Variants in PMFBP1 observed in about 807,000 individuals in gnomAD.
The protein encoded by PMFBP1 is polyamine modulated factor 1 binding protein 1, also known as polyamine-modulated factor 1-binding protein 1.
PMFBP1 carries 131 observed loss-of-function variants against 137.8 expected under a neutral mutation model. That is an observed-to-expected ratio of 0.95 (90% CI 0.82 to 1.10). The LOEUF (loss-of-function observed/expected upper bound fraction) is 1.10. PMFBP1 is among the 50% of genes least tolerant of loss of function. The pLI, the probability that PMFBP1 is intolerant of heterozygous loss-of-function variation, is 0.00. For synonymous variants in PMFBP1, 490 were observed against 450.4 expected, an observed-to-expected ratio of 1.09 and a Z score of -1.11; for missense variants, 1,199 against 1,175.4, an observed-to-expected ratio of 1.02 and a Z score of -0.29.
chr16:72,215,115 T>C, the PMFBP1 span, among the ~76,000 whole-genome samples: 2 of 151,972 alleles, frequency 1.3e-5, no homozygotes, highest in African/African-American at 2.4e-5. Flanking sequence ...AGAGAAGTAA[T>C]GAGAAATCCC....
chr16:72,154,419 T>A lies in PMFBP1; in HGVS notation c.206A>T (p.Glu69Val), dbSNP rs556815891. 7 of 1,614,154 alleles carry A rather than the reference T, an allele frequency of 4.3e-6. No individual in the cohort carries two copies. In the South Asian group the frequency reaches 6.6e-5, roughly 15 times the overall value. The change falls in exon 4 of 21, where the codon GAG becomes GTG. Residue 69 changes from glutamate (E) to valine (V), a missense_variant. Coordinates refer to ENST00000237353, the MANE Select transcript of PMFBP1 (RefSeq NM_031293.3). The stretch of plus-strand genomic sequence containing the variant: ...CTGTTTACTGGACCCAAATTCCACC[T>A]CTGACTCCTCGAATGCTAATGCCTG... ...QAQALAFEES[E>V]VEFGSSKQCH...
At chr16:72,187,602 T>C in the PMFBP1 span, among the ~76,000 whole-genome samples, 8 of 152,200 alleles carry the variant, frequency 5.3e-5, no homozygotes, top group African/African-American at 1.4e-4. Context: ...TCTTCAGTGA[T>C]CAAGTCGTGG....
At chr16:72,230,220 C>G in the PMFBP1 span, among the ~76,000 whole-genome samples, 1 of 152,122 alleles carries the variant, frequency 6.6e-6, no homozygotes, top group African/African-American at 2.4e-5. Flanking sequence ...AAACTGACCT[C>G]TCTGATTGTC....
At chr16:72,126,498 G>C (rs201633719) in intron 14 of PMFBP1, among the ~76,000 whole-genome samples, 3 of 152,212 alleles carry the variant, frequency 2.0e-5, no homozygotes, top group Non-Finnish European at 4.4e-5. Flanking sequence ...CATGTCCTTT[G>C]TGTTTTATGC....
chr16:72,226,640 C>T, the PMFBP1 span, among the ~76,000 whole-genome samples: 2 of 151,926 alleles, frequency 1.3e-5, no homozygotes, highest in Non-Finnish European at 2.9e-5. Flanking sequence ...TCTCTTAGAA[C>T]AAAAAATATT....
At chr16:72,128,130 A>G (rs1453841678) in intron 14 of PMFBP1, among the ~76,000 whole-genome samples, 1 of 152,170 alleles carries the variant, frequency 6.6e-6, no homozygotes, top group Non-Finnish European at 1.5e-5. Flanking sequence ...TCTTTCCTCT[A>G]TCATGTCTTT....
the PMFBP1 span, among the ~76,000 whole-genome samples, chr16:72,183,007 T>C: frequency 3.9e-5 from 6 of 152,148 alleles, no homozygotes; most frequent in East Asian, 1.9e-4. Context: ...CCCTGCCAGG[T>C]CCCCAGAGGG....
intron 19 of PMFBP1, among the ~76,000 whole-genome samples, chr16:72,121,520 G>A (rs376811665): frequency 6.6e-6 from 1 of 152,236 alleles, no homozygotes; most frequent in East Asian, 1.9e-4. Flanking sequence ...GGGGTGCCAC[G>A]AATGGATTCC....
At chr16:72,193,379 G>C in the PMFBP1 span, among the ~76,000 whole-genome samples, 1 of 152,094 alleles carries the variant, frequency 6.6e-6, no homozygotes, top group Non-Finnish European at 1.5e-5. Context: ...GACACAGTGA[G>C]ATTCTGTCTC....
chr16:72,120,114 G>A (rs2042355569), intron 19 of PMFBP1, 25 bp from the exon 20 acceptor site: 1 of 1,614,140 alleles, frequency 6.2e-7, no homozygotes, highest in Non-Finnish European at 8.5e-7. Context: ...GGAAGGACGG[G>A]TTGTGTTGGG....
rs1385337935 is a variant in PMFBP1 at position 72,154,490 on chromosome 16, C to T, written c.166-31G>A. 7 of 1,604,822 alleles carry T rather than the reference C, an allele frequency of 4.4e-6. No individual in the cohort carries two copies. The South Asian group carries it at 4.4e-5, about 10-fold the overall frequency. ...ATAGAGACAGGATATACAAAAAAGGCTTTAGATCATCACTAAGGACGTATT... is the reference window on the plus strand; with the variant it reads ...ATAGAGACAGGATATACAAAAAAGGTTTTAGATCATCACTAAGGACGTATT... On this transcript the variant is annotated intron_variant, in intron 3 of 20. Transcript: ENST00000237353.
At chr16:72,157,813 C>T (rs765022203) in intron 3 of PMFBP1, among the ~76,000 whole-genome samples, 4 of 152,024 alleles carry the variant, frequency 2.6e-5, no homozygotes, top group African/African-American at 7.2e-5. Flanking sequence ...AGGATGACGG[C>T]GTGGACCAAG....
the PMFBP1 span, among the ~76,000 whole-genome samples, chr16:72,217,560 A>G: frequency 6.6e-6 from 1 of 152,132 alleles, no homozygotes; most frequent in Non-Finnish European, 1.5e-5. Context: ...ATAACTTTTA[A>G]AAGTCTCTAG....
At position 72,126,131 on chromosome 16, in the gene PMFBP1, A is replaced by T; in HGVS notation, c.2090T>A (p.Ile697Lys). ...QQVIQDLNKE[I>K]ALQKESLMSL... ...CATTAAGGACTCCTTCTGAAGGGCT[A>T]TCTTTAAGGAGGGAGAGCAGAACTG... The change falls in exon 15 of 21, where the codon ATA (isoleucine) becomes AAA (lysine). Residue 697 changes from isoleucine to lysine, a missense_variant and splice_region_variant. Transcript: ENST00000237353. The T allele has an allele frequency of 1.9e-6, 3 of 1,613,846 alleles. No homozygotes were observed. Among genetic ancestry groups the T allele is most frequent in the Non-Finnish European group, 2.5e-6 (3 of 1,179,870 alleles).
upstream of PMFBP1, among the ~76,000 whole-genome samples, chr16:72,180,466 A>C (rs971492759): frequency 6.6e-6 from 1 of 152,150 alleles, no homozygotes; most frequent in Non-Finnish European, 1.5e-5. Flanking sequence ...TTCTCAGTGG[A>C]GCTATCGACC....
At chr16:72,242,093 CTGACACCG>C in the PMFBP1 span, among the ~76,000 whole-genome samples, 1 of 152,154 alleles carries the variant, frequency 6.6e-6, no homozygotes, top group Admixed American at 6.5e-5. Flanking sequence ...CTTCTCCTCC[CTGACACCG>C]TGATATAGTG....
rs770377127 is a variant in PMFBP1, at chr16:72,128,702, G to A, written c.2043C>T (p.Asn681=). The change falls in exon 14 of 21, where the codon AAC becomes AAT. Residue 681 remains asparagine, a synonymous_variant. Coordinates refer to ENST00000237353, the MANE Select transcript of PMFBP1 (RefSeq NM_031293.3). ...CCSTQLESSL[N]KYNTSQQVIQ... ...TGACTTGCTGGCTGGTGTTGTATTT[G>A]TTGAGAGAGGATTCCAGTTGTGTAG... The A allele has an allele frequency of 2.5e-6, 4 of 1,614,036 alleles. No individual in the cohort carries two copies. The African/African-American group carries it at 5.3e-5, about 22-fold the overall frequency.
At chr16:72,233,207 TATATGTAC>T in the PMFBP1 span, among the ~76,000 whole-genome samples, 1 of 152,086 alleles carries the variant, frequency 6.6e-6, no homozygotes, top group African/African-American at 2.4e-5. Context: ...CACCAAAAAT[TATATGTAC>T]ACATACCAAC....
chr16:72,121,322 C>T (rs1330892205), intron 19 of PMFBP1, among the ~76,000 whole-genome samples: 2 of 152,206 alleles, frequency 1.3e-5, no homozygotes, highest in Non-Finnish European at 2.9e-5. Flanking sequence ...GAGGGGGTCT[C>T]AGCAGTGCCC....
Sources: gnomAD v4.1 joint callset for allele counts (sites outside exome capture counted in the v4.1 genomes callset) on GRCh38, gnomAD v4.1.1 for gene constraint, MANE v1.5 for transcripts, NCBI Gene and HGNC (gene_info 2026-07-23, HGNC 2026-07-21) for gene names.